Variants in FKBP15 observed in about 807,000 individuals in gnomAD.
The protein encoded by FKBP15 is FK506-binding protein 15.
In FKBP15, 106 loss-of-function variants were observed where a neutral mutation model predicts 158.1. The observed-to-expected ratio is 0.67, with a 90% CI of 0.57 to 0.79. The LOEUF (loss-of-function observed/expected upper bound fraction) is 0.79, where lower values mean the gene tolerates loss of function less well. Ranked by LOEUF, FKBP15 falls within the 30% of genes least tolerant of loss-of-function variation. FKBP15 has a pLI of 0.00. For synonymous variants in FKBP15, 547 were observed against 548.6 expected, an observed-to-expected ratio of 1.00 and a Z score of 0.04; for missense variants, 1,287 against 1,479.1, an observed-to-expected ratio of 0.87 and a Z score of 2.13.
In FKBP15 at chr9:113,166,184, C is replaced by T. The variant is rs1020680570; in HGVS notation, c.3583-29G>A. Reference sequence around the variant, plus strand: ...ATAAAACAGGAAAGAGCAGTCAGTCCTCACTTGTGCCTGCACCACTGGACT... The same window carrying T: ...ATAAAACAGGAAAGAGCAGTCAGTCTTCACTTGTGCCTGCACCACTGGACT... On this transcript the variant is annotated intron_variant, in intron 27 of 27. Coordinates refer to ENST00000238256, the MANE Select transcript of FKBP15 (RefSeq NM_015258.2). 7 of 1,585,990 alleles carry T rather than the reference C, an allele frequency of 4.4e-6. No individual in the cohort carries two copies. The African/African-American group carries it at 9.4e-5, about 21-fold the overall frequency.
At chr9:113,211,322 C>T (rs1830998111) in intron 2 of FKBP15, among the ~76,000 whole-genome samples, 155 bp downstream of exon 2, 1 of 152,210 alleles carries the variant, frequency 6.6e-6, no homozygotes. Flanking sequence ...CCACACCTGG[C>T]TAATTTTTGT....
chr9:113,204,699 T>C (rs1376604377), intron 4 of FKBP15, among the ~76,000 whole-genome samples: 2 of 152,226 alleles, frequency 1.3e-5, no homozygotes, highest in Non-Finnish European at 2.9e-5. Flanking sequence ...ATTTTCTATG[T>C]TACTGCCTTC....
intron 1 of FKBP15, among the ~76,000 whole-genome samples, chr9:113,216,025 G>C (rs1416884914): frequency 7.0e-6 from 1 of 142,350 alleles, no homozygotes; most frequent in East Asian, 2.1e-4. Context: ...TTTTGCTGTT[G>C]GCAAAATGAT....
chr9:113,174,558 G>A lies in FKBP15; in HGVS notation c.2249C>T (p.Ser750Leu). 6.2e-7 allele frequency: 1 copy of A among 1,613,734 alleles called. No individual in the cohort carries two copies. Among genetic ancestry groups the A allele is most frequent in the African/African-American group, 1.3e-5 (1 of 75,040 alleles). The change falls in exon 22 of 28, where the codon TCA becomes TTA. Residue 750 changes from serine (S) to leucine (L), a missense_variant. Physicochemically the swap from Ser to Leu is moderately radical, Grantham distance 145. Coordinates refer to ENST00000238256, the MANE Select transcript of FKBP15 (RefSeq NM_015258.2). ...EKNLSERKKK[S>L]AQERSQAEEE... Reference sequence around the variant, plus strand: ...CTCGGCCTGAGAACGCTCTTGAGCTGACTTCTTTTTCCTTTCTGAGAGGTT... The same window carrying A: ...CTCGGCCTGAGAACGCTCTTGAGCTAACTTCTTTTTCCTTTCTGAGAGGTT...
Position 113,182,780 on chromosome 9 carries a change from C to T in FKBP15, c.1900G>A (p.Ala634Thr). 6.2e-7 allele frequency: 1 copy of T among 1,613,616 alleles called. No homozygotes were observed. The highest frequency in any genetic ancestry group is 8.5e-7 in the Non-Finnish European group (1 of 1,179,582). Residue 634 changes from alanine to threonine, a missense_variant, in exon 19 of 28, where the codon GCT becomes ACT. By Grantham distance (58) the Ala-to-Thr change is moderately conservative. Coordinates refer to ENST00000238256, the MANE Select transcript of FKBP15 (RefSeq NM_015258.2). ...AGTTGCTTTACCTTCTCTTGTTCAG[C>T]ATGCAATACTCTTGCCTGTGTGTTT... is the stretch of plus-strand genomic sequence containing the variant. ...TENTQARVLH[A>T]EQEKAKVTEE...
intron 1 of FKBP15, among the ~76,000 whole-genome samples, chr9:113,217,469 C>T (rs555463357): frequency 1.3e-5 from 2 of 152,196 alleles, no homozygotes; most frequent in Non-Finnish European, 2.9e-5. Context: ...GTTGGCCTCC[C>T]AAAGTGCTGG....
At chr9:113,179,789 T>A (rs7027181) in intron 19 of FKBP15, among the ~76,000 whole-genome samples, 44,783 of 151,748 alleles carry the variant, frequency 0.3, 6,803 homozygotes, top group Non-Finnish European at 0.33. Context: ...CTTTAAAAAA[T>A]AAATAAATAA....
intron 1 of FKBP15, among the ~76,000 whole-genome samples, chr9:113,215,514 TATA>T (rs1458505706): frequency 1.3e-5 from 2 of 151,554 alleles, no homozygotes; most frequent in East Asian, 1.9e-4. Context: ...CCATAACAGA[TATA>T]ATACCATTGA....
Position 113,183,789 on chromosome 9 carries a change from C to A in FKBP15, c.1773G>T (p.Gln591His). The change falls in exon 18 of 28, where the codon CAG becomes CAT. Residue 591 changes from glutamine (Q) to histidine (H), a missense_variant. Transcript: ENST00000238256. Reference sequence around the variant, plus strand: ...CAATTAGTTCACTAATCTTGTCATTCTGTTCTTCTATCCGATTGCTCTTTT... The same window carrying A: ...CAATTAGTTCACTAATCTTGTCATTATGTTCTTCTATCCGATTGCTCTTTT... The part of the protein sequence containing the change: ...ILEKSNRIEE[Q>H]NDKISELIER... 1.2e-6 allele frequency: 2 copies of A among 1,613,686 alleles called. No homozygotes were observed. Among genetic ancestry groups the A allele is most frequent in the Non-Finnish European group, 1.7e-6 (2 of 1,179,698 alleles).
chr9:113,215,534 T>C (rs111999988), intron 1 of FKBP15, among the ~76,000 whole-genome samples: 4 of 151,250 alleles, frequency 2.6e-5, no homozygotes, highest in African/African-American at 9.7e-5. Flanking sequence ...TTGAAAAAGT[T>C]TGAAATATTC....
At chr9:113,189,173 A>C (rs1830533316) in intron 12 of FKBP15, among the ~76,000 whole-genome samples, 1 of 152,190 alleles carries the variant, frequency 6.6e-6, no homozygotes, top group South Asian at 2.1e-4. Context: ...AAAGTTTCAG[A>C]CATTCTTTTA....
At position 113,198,520 on chromosome 9, in the gene FKBP15, A is replaced by G. The variant is rs1300167797; in HGVS notation, c.717+335T>C. Among the ~76,000 whole-genome samples, 1 of 152,248 alleles carries G rather than the reference A, an allele frequency of 6.6e-6. No individual in the cohort carries two copies. Among genetic ancestry groups the G allele is most frequent in the African/African-American group, 2.4e-5 (1 of 41,472 alleles). On this transcript the variant is annotated intron_variant, in intron 8 of 27. Transcript: ENST00000238256. The surrounding 1 kb of genome is among the most constrained non-coding windows in gnomAD (Gnocchi z 5.2). ...GTAATCCCGGCACTTTGGGAGGCTG[A>G]GGCGGGTGGATCACCTGATGTCGGG...
intron 17 of FKBP15, 47 bp from the exon 18 acceptor site, chr9:113,183,892 A>C (rs1358905841): frequency 7.1e-7 from 1 of 1,404,352 alleles, no homozygotes; most frequent in Non-Finnish European, 1.0e-6. Flanking sequence ...TTGGGAGAAA[A>C]GTGCCAGATA....
At chr9:113,173,085 AT>A (rs1424419336) in intron 23 of FKBP15, among the ~76,000 whole-genome samples, 4 of 152,036 alleles carry the variant, frequency 2.6e-5, no homozygotes, top group Non-Finnish European at 2.9e-5. Flanking sequence ...CTTAACACCT[AT>A]CTTTGTTTCT....
chr9:113,162,335 T>C lies in FKBP15; in HGVS notation c.*3743A>G, dbSNP rs1173329184. On this transcript the variant is annotated 3_prime_UTR_variant, in exon 28 of 28. Coordinates refer to ENST00000238256, the MANE Select transcript of FKBP15 (RefSeq NM_015258.2). ...GTTAAGACATTTGTCTAGGCCACTT[T>C]TAGTTAGTGGCAGGTCTAGGAACTG... The C allele has an allele frequency of 9.3e-6, 2 of 214,586 alleles. No homozygotes were observed. Among genetic ancestry groups the C allele is most frequent in the Non-Finnish European group, 1.8e-5 (2 of 108,370 alleles). 13.3% of individuals were successfully genotyped at this position (214,586 alleles called of 1,614,324 possible).
In FKBP15 at chr9:113,170,621, C is replaced by T; in HGVS notation, c.2667G>A (p.Lys889=). Residue 889 remains lysine (K), a synonymous_variant, in exon 25 of 28, where the codon AAG becomes AAA. Transcript: ENST00000238256. The part of the protein sequence containing the change: ...AASDPSEKVK[K]IMNQVFQSLR... ...AGGACTGGAACACCTGGTTCATGAT[C>T]TTCTTGACCTGTGTGAACATCAAAA... is the stretch of plus-strand genomic sequence containing the variant. 2 of 1,611,298 alleles carry T rather than the reference C, an allele frequency of 1.2e-6. No individual in the cohort carries two copies. Among genetic ancestry groups the T allele is most frequent in the Non-Finnish European group, 1.7e-6 (2 of 1,177,558 alleles).
At chr9:113,168,973 C>T (rs1830147928) in intron 26 of FKBP15, among the ~76,000 whole-genome samples, 1 of 152,124 alleles carries the variant, frequency 6.6e-6, no homozygotes, top group Non-Finnish European at 1.5e-5. Context: ...TATCACAGGG[C>T]CCACCACACT....
At chr9:113,166,751 C>T (rs946295263) in intron 27 of FKBP15, among the ~76,000 whole-genome samples, 5 of 152,188 alleles carry the variant, frequency 3.3e-5, no homozygotes, top group African/African-American at 1.2e-4. Context: ...GCACCACCCT[C>T]GCTCCTTCCA....
chr9:113,180,714 A>G (rs1232101868), intron 19 of FKBP15, among the ~76,000 whole-genome samples: 2 of 152,184 alleles, frequency 1.3e-5, no homozygotes, highest in African/African-American at 4.8e-5. Context: ...CAGGTCTTTT[A>G]CCCTTTCATT....
Sources: allele counts gnomAD v4.1 joint callset (sites outside exome capture counted in the v4.1 genomes callset), GRCh38; gene constraint gnomAD v4.1.1; non-coding constraint Gnocchi (gnomAD v3.1); transcripts MANE v1.5; gene names NCBI Gene and HGNC (gene_info 2026-07-23, HGNC 2026-07-21).